The following SLC6A5 variants were observed in gnomAD, a reference collection of about 807,000 sequenced individuals.
SLC6A5 encodes sodium- and chloride-dependent glycine transporter 2.
In SLC6A5, 58 loss-of-function variants were observed where a neutral mutation model predicts 90.5. That is an observed-to-expected ratio of 0.64 (90% CI 0.52 to 0.80). SLC6A5 has a LOEUF of 0.80. SLC6A5 is among the 30% of genes least tolerant of loss of function. The pLI is 0.00. For synonymous variants in SLC6A5, 427 were observed against 401.4 expected (o/e 1.06, Z -0.76); for missense variants, 1,015 against 1,017.6 (o/e 1.00, Z 0.03).
In SLC6A5 at chr11:20,657,805, T is replaced by C. The variant is rs1237380493; in HGVS notation, c.*2937T>C. 1 of 152,220 alleles carries C rather than the reference T, an allele frequency of 6.6e-6. No homozygotes were observed. The highest frequency in any genetic ancestry group is 1.5e-5 in the Non-Finnish European group (1 of 68,032). 9.4% of individuals were successfully genotyped at this position (152,220 alleles called of 1,614,324 possible). A position where few individuals can be genotyped will look rare whatever the true frequency, so the allele number is the denominator to read the frequency against. Reference sequence around the variant, plus strand: ...TCATATCCTTAGAGGAGAAAAAATGTATATTTCTTAACAAGTGGTGTTGTG... The same window carrying C: ...TCATATCCTTAGAGGAGAAAAAATGCATATTTCTTAACAAGTGGTGTTGTG... On this transcript the variant is annotated 3_prime_UTR_variant, in exon 16 of 16. Coordinates refer to ENST00000525748, the MANE Select transcript of SLC6A5 (RefSeq NM_004211.5).
intron 1 of SLC6A5, among the ~76,000 whole-genome samples, chr11:20,600,464 C>T (rs143864683): frequency 1.1e-4 from 17 of 152,058 alleles, no homozygotes; most frequent in African/African-American, 4.1e-4. Context: ...GTCTGGGAAT[C>T]TGGAAGTGAA....
In SLC6A5 at chr11:20,636,539, G is replaced by C. The variant is rs1014821103; in HGVS notation, c.1737+120G>C. The C allele has an allele frequency of 6.3e-5, 46 of 725,408 alleles. 1 individual carries two copies. The Admixed American group carries it at 6.4e-4, about 10-fold the overall frequency. The allele number at this position is 725,408 out of a possible 1,614,324, so 44.9% of individuals were successfully genotyped here. Reference sequence around the variant, plus strand: ...TTACGGGTGTCTGAATGTTTCTCCCGAGAGATCTAGAGATGCTGAAGTGCC... The same window carrying C: ...TTACGGGTGTCTGAATGTTTCTCCCCAGAGATCTAGAGATGCTGAAGTGCC... On this transcript the variant is annotated intron_variant, in intron 11 of 15. Transcript: ENST00000525748.
At chr11:20,633,472 A>G (rs1415429154) in intron 10 of SLC6A5, among the ~76,000 whole-genome samples, 2 of 152,114 alleles carry the variant, frequency 1.3e-5, no homozygotes, top group Non-Finnish European at 2.9e-5. Flanking sequence ...AGCTCATTCA[A>G]TTTGTAATAG....
At chr11:20,641,263 G>A (rs1853307731) in intron 13 of SLC6A5, among the ~76,000 whole-genome samples, 1 of 152,134 alleles carries the variant, frequency 6.6e-6, no homozygotes, top group Non-Finnish European at 1.5e-5. Context: ...CTTGCTAACT[G>A]CCTGGCTCTT....
chr11:20,654,122 A>G (rs543863070), intron 15 of SLC6A5, among the ~76,000 whole-genome samples: 4 of 152,370 alleles, frequency 2.6e-5, no homozygotes, highest in African/African-American at 9.6e-5. Context: ...TGCCTGCAAG[A>G]ACCCACACTG....
intron 10 of SLC6A5, among the ~76,000 whole-genome samples, chr11:20,631,775 C>A (rs1050010952): frequency 2.0e-5 from 3 of 152,142 alleles, no homozygotes; most frequent in African/African-American, 7.2e-5. Context: ...CTTGTCTGGG[C>A]AGTTATCTTC....
intron 6 of SLC6A5, among the ~76,000 whole-genome samples, chr11:20,615,665 C>T (rs1469418241): frequency 1.3e-5 from 2 of 152,204 alleles, no homozygotes; most frequent in Non-Finnish European, 2.9e-5. Context: ...CTGCACCCAG[C>T]CATGAAATTA....
chr11:20,608,581 A>T (rs1565273301), intron 5 of SLC6A5, among the ~76,000 whole-genome samples: 1 of 152,244 alleles, frequency 6.6e-6, no homozygotes, highest in Admixed American at 6.5e-5. Context: ...ATATAACTCT[A>T]CAAATAAAAG....
intron 5 of SLC6A5, among the ~76,000 whole-genome samples, chr11:20,614,445 C>A (rs571985433): frequency 6.6e-6 from 1 of 152,268 alleles, no homozygotes; most frequent in Non-Finnish European, 1.5e-5. Flanking sequence ...TCTGTAAATG[C>A]CTTTGTCATC....
chr11:20,606,628 T>A (rs1852586476), intron 3 of SLC6A5, among the ~76,000 whole-genome samples: 1 of 152,088 alleles, frequency 6.6e-6, no homozygotes. Flanking sequence ...TGATAAGATT[T>A]CACCAACCTG....
At chr11:20,628,122 A>G in intron 9 of SLC6A5, 39 bp downstream of exon 9, 1 of 1,466,176 alleles carries the variant, frequency 6.8e-7, no homozygotes, top group Non-Finnish European at 9.6e-7. Flanking sequence ...ATAGCTGGTG[A>G]GTGGGACAGA....
In SLC6A5 at chr11:20,601,638, G is replaced by A. The variant is rs1486407794; in HGVS notation, c.513G>A (p.Pro171=). 22 of 1,613,804 alleles carry A rather than the reference G, an allele frequency of 1.4e-5. No homozygotes were observed. The highest frequency in any genetic ancestry group is 1.5e-5 in the Non-Finnish European group (18 of 1,179,952). The part of the protein sequence containing the change: ...LATDGITSVL[P]GSVATVATQE... ...CGGATGGAATCACGTCCGTGCTCCC[G>A]GGCAGCGTGGCCACCGTTGCCACCC... The change falls in exon 2 of 16, where the codon CCG becomes CCA. Residue 171 remains proline (P), a synonymous_variant. Transcript: ENST00000525748.
chr11:20,626,941 G>A (rs1853008696), intron 8 of SLC6A5, 99 bp downstream of exon 8: 1 of 964,034 alleles, frequency 1.0e-6, no homozygotes, highest in Admixed American at 1.7e-5. Flanking sequence ...GAATCCCAGT[G>A]TGTGCTTTTA....
chr11:20,614,918 G>A (rs1249363493), intron 6 of SLC6A5, 98 bp downstream of exon 6: 1 of 1,176,530 alleles, frequency 8.5e-7, no homozygotes, highest in Non-Finnish European at 1.3e-6. Context: ...TAGCCCAAGG[G>A]ATGAGATCAG....
intron 13 of SLC6A5, among the ~76,000 whole-genome samples, chr11:20,646,400 G>A (rs1853415809): frequency 6.6e-6 from 1 of 152,162 alleles, no homozygotes; most frequent in South Asian, 2.1e-4. Flanking sequence ...AAGCCGGTGT[G>A]CAATGATTTT....
chr11:20,632,411 A>G (rs186043127), intron 10 of SLC6A5, among the ~76,000 whole-genome samples: 22 of 152,278 alleles, frequency 1.4e-4, no homozygotes, highest in Admixed American at 1.2e-3. Flanking sequence ...CTCAAACAGA[A>G]TGTTGTTTAT....
At chr11:20,608,922 GTCTCTCTCTCTCTCTCTC>G (rs138477311) in intron 5 of SLC6A5, among the ~76,000 whole-genome samples, 73 of 131,752 alleles carry the variant, frequency 5.5e-4, no homozygotes, top group African/African-American at 1.9e-3. Flanking sequence ...CTGTCTGTCT[GTCTCTCTCTCTCTCTCTC>G]TCTCTCTCTC....
chr11:20,623,698 C>T lies in SLC6A5; in HGVS notation c.1261-3010C>T, dbSNP rs141351291. Among the ~76,000 whole-genome samples the T allele has an allele frequency of 2.4e-4, 36 of 152,198 alleles. 1 individual carries two copies. Among genetic ancestry groups the T allele is most frequent in the Middle Eastern group, 6.8e-3 (2 of 294 alleles). ...ACCTTGCCGATCTCTCCCACCTGTG[C>T]CCCCTCTCTTGCCACACTGGCCTCT... is the stretch of plus-strand genomic sequence containing the variant. On this transcript the variant is annotated intron_variant, in intron 7 of 15. Coordinates refer to ENST00000525748, the MANE Select transcript of SLC6A5 (RefSeq NM_004211.5).
chr11:20,606,899 T>G, intron 3 of SLC6A5, 108 bp from the exon 4 acceptor site: 1 of 1,388,030 alleles, frequency 7.2e-7, no homozygotes, highest in South Asian at 1.2e-5. Context: ...GGAGCTAAAT[T>G]GTCCTTTAGT....
Sources: gnomAD v4.1 joint callset for allele counts (sites outside exome capture counted in the v4.1 genomes callset) on GRCh38, gnomAD v4.1.1 for gene constraint, MANE v1.5 for transcripts, NCBI Gene and HGNC (gene_info 2026-07-23, HGNC 2026-07-21) for gene names.